STAU2: variants seen among roughly 807,000 people sequenced by gnomAD.
STAU2 encodes the protein double-stranded RNA-binding protein Staufen homolog 2.
A neutral mutation model predicts 65.9 loss-of-function variants in STAU2; 20 were observed. The observed-to-expected ratio is 0.30, with a 90% CI of 0.21 to 0.44. STAU2 has a LOEUF of 0.44. STAU2 is among the 20% of genes least tolerant of loss of function. STAU2 has a pLI of 1.00. For missense variants in STAU2, 558 were observed against 683.9 expected (o/e 0.82, Z 2.05); for synonymous variants, 232 against 233.9 (o/e 0.99, Z 0.07).
intron 9 of STAU2, 141 bp from the exon 10 acceptor site, chr8:73,604,004 T>C: frequency 1.0e-6 from 1 of 973,144 alleles, no homozygotes; most frequent in Non-Finnish European, 1.4e-6. Context: ...TTATGAATAT[T>C]TATAAAGGAA....
At chr8:73,599,295 T>C (rs1304595188) in intron 10 of STAU2, among the ~76,000 whole-genome samples, 1 of 152,092 alleles carries the variant, frequency 6.6e-6, no homozygotes, top group Non-Finnish European at 1.5e-5. Flanking sequence ...AAAATTACTC[T>C]TGTTCTTCTA....
chr8:73,440,027 A>G (rs1270034497), intron 13 of STAU2: 1 of 152,278 alleles, frequency 6.6e-6, no homozygotes, highest in Non-Finnish European at 1.5e-5. Context: ...GCAGGACCTG[A>G]GAGGGTGTTA....
chr8:73,476,197 C>T (rs972531530), intron 13 of STAU2, among the ~76,000 whole-genome samples: 1 of 152,080 alleles, frequency 6.6e-6, no homozygotes, highest in African/African-American at 2.4e-5. Flanking sequence ...CCTCAGAGCA[C>T]CCAGAACAGA....
intron 8 of STAU2, among the ~76,000 whole-genome samples, chr8:73,615,085 C>G (rs1469991318): frequency 6.6e-6 from 1 of 152,024 alleles, no homozygotes; most frequent in Admixed American, 6.6e-5. Flanking sequence ...GTCTACTTTC[C>G]AGACATGAGT....
chr8:73,426,102 C>G (rs1816803491), intron 13 of STAU2, among the ~76,000 whole-genome samples: 1 of 152,120 alleles, frequency 6.6e-6, no homozygotes, highest in Admixed American at 6.6e-5. Flanking sequence ...CTCCATATCA[C>G]TTAGTATCCT....
intron 5 of STAU2, among the ~76,000 whole-genome samples, chr8:73,678,514 C>T (rs778912129): frequency 3.3e-5 from 5 of 152,198 alleles, no homozygotes; most frequent in Non-Finnish European, 5.9e-5. Flanking sequence ...CTACTTCAGT[C>T]CATGTTTATC....
intron 13 of STAU2, among the ~76,000 whole-genome samples, chr8:73,533,435 T>C (rs1805960439): frequency 6.6e-6 from 1 of 152,232 alleles, no homozygotes; most frequent in Non-Finnish European, 1.5e-5. Flanking sequence ...TGAGATACTA[T>C]ACTTGAGATG....
intron 13 of STAU2, among the ~76,000 whole-genome samples, chr8:73,457,598 A>C (rs1006793029): frequency 1.3e-5 from 2 of 152,250 alleles, no homozygotes; most frequent in African/African-American, 4.8e-5. Flanking sequence ...AACATCTCCC[A>C]CGTCCCTATG....
At chr8:73,432,979 A>T (rs926239080) in intron 13 of STAU2, among the ~76,000 whole-genome samples, 3 of 152,146 alleles carry the variant, frequency 2.0e-5, no homozygotes. Context: ...TAAATCACAG[A>T]CCTAGCCACT....
upstream of STAU2, chr8:73,747,423 C>CA (rs1275054132): frequency 6.5e-7 from 1 of 1,535,132 alleles, no homozygotes; most frequent in Non-Finnish European, 8.7e-7. Flanking sequence ...CTGTGCTGTG[C>CA]AGGGGACGCG....
At chr8:73,446,529 C>T (rs1818476245) in intron 13 of STAU2, among the ~76,000 whole-genome samples, 1 of 152,172 alleles carries the variant, frequency 6.6e-6, no homozygotes, top group Non-Finnish European at 1.5e-5. Flanking sequence ...CCTCTCTGTA[C>T]TATTTCTACT....
chr8:73,623,519 G>C (rs1324619013), intron 6 of STAU2, among the ~76,000 whole-genome samples: 2 of 152,100 alleles, frequency 1.3e-5, no homozygotes, highest in Non-Finnish European at 2.9e-5. Flanking sequence ...ATCTAATAAG[G>C]AGAGGCTTTG....
intron 11 of STAU2, among the ~76,000 whole-genome samples, chr8:73,587,995 T>C (rs1418963187): frequency 1.3e-5 from 2 of 152,134 alleles, no homozygotes; most frequent in Non-Finnish European, 1.5e-5. Context: ...TGTCTTGACT[T>C]CAACAAACTC....
chr8:73,595,446 G>A, intron 10 of STAU2, 149 bp from the exon 11 acceptor site: 1 of 641,422 alleles, frequency 1.6e-6, no homozygotes, highest in South Asian at 3.1e-5. Flanking sequence ...TAACATTTAT[G>A]TAATGTTGTA....
intron 6 of STAU2, chr8:73,651,549 T>C: frequency 1.2e-6 from 1 of 846,428 alleles, no homozygotes; most frequent in Non-Finnish European, 1.9e-6. Flanking sequence ...GCCAATGGCC[T>C]GCACCTGCTG....
intron 11 of STAU2, 75 bp downstream of exon 11, chr8:73,595,091 C>T: frequency 7.9e-7 from 1 of 1,261,948 alleles, no homozygotes; most frequent in South Asian, 1.9e-5. Context: ...ACTTTAATAT[C>T]AGTTAAGATC....
intron 6 of STAU2, among the ~76,000 whole-genome samples, chr8:73,621,482 G>A (rs539589019): frequency 6.6e-6 from 1 of 152,230 alleles, no homozygotes; most frequent in East Asian, 1.9e-4. Flanking sequence ...AATAAGTGAT[G>A]TACATATTTT....
chr8:73,578,638 G>A (rs957339153), intron 12 of STAU2, among the ~76,000 whole-genome samples: 9 of 152,078 alleles, frequency 5.9e-5, no homozygotes, highest in South Asian at 2.1e-4. Context: ...CTCTATTTAC[G>A]GGACCTTTGT....
intron 12 of STAU2, among the ~76,000 whole-genome samples, chr8:73,553,612 G>A (rs564017450): frequency 6.6e-6 from 1 of 152,054 alleles, no homozygotes; most frequent in Admixed American, 6.5e-5. Context: ...GAATAAAACA[G>A]CTAACACTTT....
Sources: allele counts gnomAD v4.1 joint callset (sites outside exome capture counted in the v4.1 genomes callset), GRCh38; gene constraint gnomAD v4.1.1; transcripts MANE v1.5; gene names NCBI Gene and HGNC (gene_info 2026-07-23, HGNC 2026-07-21).